The following RBFOX1 variants were observed in gnomAD, a reference collection of about 807,000 sequenced individuals.
RBFOX1 encodes the protein RNA binding protein fox-1 homolog 1.
RBFOX1 carries 8 observed loss-of-function variants against 57.7 expected under a neutral mutation model. That is an observed-to-expected ratio of 0.14 (90% CI 0.08 to 0.25). The LOEUF (loss-of-function observed/expected upper bound fraction) is 0.25. Ranked by LOEUF, RBFOX1 falls within the 10% of genes least tolerant of loss-of-function variation. The pLI, the probability that RBFOX1 is intolerant of heterozygous loss-of-function variation, is 1.00. For synonymous variants in RBFOX1, 326 were observed against 222.4 expected (o/e 1.47, Z -4.15); for missense variants, 611 against 548.5 (o/e 1.11, Z -1.14).
intron 4 of RBFOX1, among the ~76,000 whole-genome samples, chr16:5,974,534 C>A (rs1218613800): frequency 6.6e-6 from 1 of 151,678 alleles, no homozygotes; most frequent in Admixed American, 6.6e-5. Context: ...CACTCGAACC[C>A]GGGAGGCGGA....
intron 1 of RBFOX1, among the ~76,000 whole-genome samples, chr16:6,273,739 G>A (rs957132166): frequency 2.0e-5 from 3 of 151,898 alleles, no homozygotes; most frequent in Admixed American, 6.6e-5. Context: ...AATCTTGCTC[G>A]GCAAAACACC....
At position 6,418,918 on chromosome 16, in the gene RBFOX1, G is replaced by A. The variant is rs550538745; in HGVS notation, c.-64+101861G>A. On this transcript the variant is annotated intron_variant, in intron 2 of 15. Transcript: ENST00000550418. ...CAGAAAGGTCCTATGTGGAAGAACC[G>A]TTGTATTGCAATTACTGGGGAGCAG... 3.5e-4 allele frequency among the ~76,000 whole-genome samples: 53 copies of A among 152,202 alleles called. 1 individual carries two copies. The South Asian group carries it at 8.3e-3, about 24-fold the overall frequency.
rs913985340 is a variant in RBFOX1, at chr16:6,696,322, T to A, written c.-16+41672T>A. Among the ~76,000 whole-genome samples, 8 of 150,772 alleles carry A rather than the reference T, an allele frequency of 5.3e-5. 1 individual carries two copies. The Admixed American group carries it at 5.3e-4, about 10-fold the overall frequency. The stretch of plus-strand genomic sequence containing the variant: ...AATATCTCTGACTTTTTCTTAGAAG[T>A]TTTCTTTGGAAAAAAAAATTTAGAC... On this transcript the variant is annotated intron_variant, in intron 3 of 15. Transcript: ENST00000550418.
intron 14 of RBFOX1, among the ~76,000 whole-genome samples, chr16:7,696,511 G>T (rs1176962487): frequency 6.6e-6 from 1 of 152,096 alleles, no homozygotes; most frequent in Non-Finnish European, 1.5e-5. Context: ...AATGGAGGTT[G>T]AAAAGCAAGT....
At chr16:6,912,383 G>T (rs370005508) in intron 3 of RBFOX1, among the ~76,000 whole-genome samples, 19 of 150,350 alleles carry the variant, frequency 1.3e-4, no homozygotes, top group African/African-American at 4.4e-4. Flanking sequence ...GAGTGGGGAC[G>T]GTACATTTTG....
chr16:6,110,146 T>C (rs960502988), intron 1 of RBFOX1, among the ~76,000 whole-genome samples: 1 of 151,718 alleles, frequency 6.6e-6, no homozygotes, highest in African/African-American at 2.4e-5. Flanking sequence ...TTGTGGATGA[T>C]CACAACAGGT....
intron 4 of RBFOX1, among the ~76,000 whole-genome samples, chr16:7,415,918 C>T (rs564906489): frequency 4.6e-5 from 7 of 152,196 alleles, no homozygotes; most frequent in Non-Finnish European, 7.4e-5. Flanking sequence ...ACGCTTGCTA[C>T]GAAGCTTGGG....
intron 2 of RBFOX1, among the ~76,000 whole-genome samples, chr16:6,545,268 A>G (rs2096879274): frequency 6.6e-6 from 1 of 152,140 alleles, no homozygotes; most frequent in Non-Finnish European, 1.5e-5. Context: ...AATATTCAAA[A>G]CAGGTTACCT....
At chr16:6,198,797 C>G (rs187073536) in intron 1 of RBFOX1, among the ~76,000 whole-genome samples, 34 of 151,944 alleles carry the variant, frequency 2.2e-4, no homozygotes, top group Admixed American at 1.4e-3. Flanking sequence ...AAGTATAATA[C>G]TAATATAAAC....
intron 10 of RBFOX1, among the ~76,000 whole-genome samples, chr16:7,622,695 C>G (rs1450188771): frequency 6.6e-6 from 1 of 152,014 alleles, no homozygotes; most frequent in Non-Finnish European, 1.5e-5. Context: ...ACACTATAGA[C>G]AGATGCGCTT....
intron 1 of RBFOX1, among the ~76,000 whole-genome samples, chr16:6,086,477 A>G (rs1357773549): frequency 1.4e-5 from 2 of 144,776 alleles, no homozygotes; most frequent in Non-Finnish European, 3.1e-5. Context: ...TCCTGTGACA[A>G]CAGCATCCCC....
chr16:5,536,526 G>A lies in RBFOX1; in HGVS notation c.259-62376G>A, dbSNP rs117145715. 2.0e-3 allele frequency among the ~76,000 whole-genome samples: 310 copies of A among 152,130 alleles called. 4 individuals carry two copies. In the East Asian group the frequency reaches 0.034, roughly 17 times the overall value. ...GCTGAGATTACAGGTGTGAGCCAGCGCTCCTGGCCCTGTCTAGGTCTTACT... is the reference window on the plus strand; with the variant it reads ...GCTGAGATTACAGGTGTGAGCCAGCACTCCTGGCCCTGTCTAGGTCTTACT... On this transcript the variant is annotated intron_variant, in intron 2 of 2. Transcript: ENST00000585867.
chr16:6,442,226 G>A lies in RBFOX1; in HGVS notation c.-64+125169G>A, dbSNP rs564117356. Among the ~76,000 whole-genome samples, 5 of 152,218 alleles carry A rather than the reference G, an allele frequency of 3.3e-5. No homozygotes were observed. The South Asian group carries it at 6.2e-4, about 19-fold the overall frequency. ...GGGTGGGACTTTGGTGCTTAAAGGGGGACACATCCACTCGAATGTTTGTCT... is the reference window on the plus strand; with the variant it reads ...GGGTGGGACTTTGGTGCTTAAAGGGAGACACATCCACTCGAATGTTTGTCT... On this transcript the variant is annotated intron_variant, in intron 2 of 15. Coordinates refer to ENST00000550418, the MANE Select transcript of RBFOX1 (RefSeq NM_018723.4).
chr16:7,631,784 A>G (rs975204951), intron 11 of RBFOX1, among the ~76,000 whole-genome samples: 1 of 152,212 alleles, frequency 6.6e-6, no homozygotes. Flanking sequence ...TGTGAAGCTG[A>G]GGAAAACCAA....
chr16:7,204,299 T>C (rs2089444051), intron 4 of RBFOX1, among the ~76,000 whole-genome samples: 1 of 152,208 alleles, frequency 6.6e-6, no homozygotes, highest in East Asian at 1.9e-4. Flanking sequence ...CCCATTTTAA[T>C]CTGAGGGAGG....
At chr16:7,590,338 G>C (rs2094377179) in intron 7 of RBFOX1, among the ~76,000 whole-genome samples, 1 of 151,562 alleles carries the variant, frequency 6.6e-6, no homozygotes, top group African/African-American at 2.4e-5. Context: ...ATATTATTTT[G>C]GAAATGTATA....
intron 4 of RBFOX1, among the ~76,000 whole-genome samples, chr16:7,303,107 C>CT (rs1252843309): frequency 4.6e-5 from 7 of 152,194 alleles, no homozygotes; most frequent in Non-Finnish European, 1.0e-4. Context: ...CGAGCTGGCA[C>CT]GTTAGTCCAA....
chr16:5,467,282 G>C, intron 2 of RBFOX1: 1 of 1,468,850 alleles, frequency 6.8e-7, no homozygotes, highest in Non-Finnish European at 9.2e-7. Flanking sequence ...CCTGACTTAG[G>C]ATGTCTGTGA....
rs537819747 is a variant in RBFOX1, at chr16:6,323,254, T to A, written c.-64+6197T>A. Among the ~76,000 whole-genome samples the A allele has an allele frequency of 6.6e-5, 10 of 152,262 alleles. No individual in the cohort carries two copies. The East Asian group carries it at 1.9e-3, about 29-fold the overall frequency. On this transcript the variant is annotated intron_variant, in intron 2 of 15. Coordinates refer to ENST00000550418, the MANE Select transcript of RBFOX1 (RefSeq NM_018723.4). ...AAGGTGTGTAAAGTAGTAGCATGGG[T>A]AAGGAAGAGGGAAGCCCAGGCAGCA...
Sources: allele counts gnomAD v4.1 joint callset (sites outside exome capture counted in the v4.1 genomes callset), GRCh38; gene constraint gnomAD v4.1.1; transcripts MANE v1.5; gene names NCBI Gene and HGNC (gene_info 2026-07-23, HGNC 2026-07-21).